Variants in RIC8B observed in about 807,000 individuals in gnomAD.
RIC8B encodes the protein RIC8 guanine nucleotide exchange factor B.
Under a neutral mutation model 57.5 loss-of-function variants are expected in RIC8B, and 16 were observed. That is an observed-to-expected ratio of 0.28 (90% CI 0.19 to 0.42). RIC8B has a LOEUF of 0.42. Among genes scored for constraint, RIC8B ranks in the 10% least tolerant of loss-of-function variants. The probability of loss-of-function intolerance (pLI) is 1.00; values close to 1 mark genes in which losing one functional copy is unlikely to be tolerated. For synonymous variants in RIC8B, 216 were observed against 250.8 expected (o/e 0.86, Z 1.31); for missense variants, 481 against 677.0 (o/e 0.71, Z 3.21).
intron 8 of RIC8B, among the ~76,000 whole-genome samples, chr12:106,869,189 T>G (rs1950280134): frequency 6.6e-6 from 1 of 152,118 alleles, no homozygotes; most frequent in Non-Finnish European, 1.5e-5. Flanking sequence ...CAAGATAGGT[T>G]TTGAATCAGG....
chr12:106,798,912 A>G (rs1416704340), intron 2 of RIC8B, among the ~76,000 whole-genome samples: 8 of 152,162 alleles, frequency 5.3e-5, no homozygotes, highest in Admixed American at 3.9e-4. Flanking sequence ...TTCATTTTAC[A>G]TAGTTTCAAC....
At chr12:106,823,502 A>G in intron 3 of RIC8B, 1 of 454,492 alleles carries the variant, frequency 2.2e-6, no homozygotes. Flanking sequence ...CCAAATGGAT[A>G]GATTTCCAAA....
At chr12:106,856,944 G>A (rs1039604336) in intron 7 of RIC8B, among the ~76,000 whole-genome samples, 1 of 152,140 alleles carries the variant, frequency 6.6e-6, no homozygotes, top group African/African-American at 2.4e-5. Context: ...GCGGTGTGGA[G>A]GAGATCAGAG....
At chr12:106,778,801 A>T (rs1342004496) in intron 1 of RIC8B, among the ~76,000 whole-genome samples, 1 of 152,152 alleles carries the variant, frequency 6.6e-6, no homozygotes, top group Non-Finnish European at 1.5e-5. Flanking sequence ...TCAATATCCA[A>T]AGGGGATTGC....
At position 106,888,092 on chromosome 12, in the gene RIC8B, T is replaced by C. The variant is rs1228049239; in HGVS notation, c.*2077T>C. 1 of 152,654 alleles carries C rather than the reference T, an allele frequency of 6.6e-6. No homozygotes were observed. The highest frequency in any genetic ancestry group is 6.5e-5 in the Admixed American group (1 of 15,288). The allele number at this position is 152,654 out of a possible 1,614,324, so 9.5% of individuals were successfully genotyped here. A position where few individuals can be genotyped will look rare whatever the true frequency, so the allele number is the denominator to read the frequency against. ...TAAAGTATTTTTATAATTTCTATAA[T>C]CAAATAGCTTTGGCATGCATGTCAG... On this transcript the variant is annotated 3_prime_UTR_variant, in exon 10 of 10. Transcript: ENST00000392837.
intron 2 of RIC8B, among the ~76,000 whole-genome samples, chr12:106,812,008 A>G (rs958383702): frequency 6.6e-6 from 1 of 152,068 alleles, no homozygotes; most frequent in Non-Finnish European, 1.5e-5. Flanking sequence ...TATTGTATTG[A>G]GTAAAACATT....
At chr12:106,782,469 T>G (rs1366815375) in intron 1 of RIC8B, among the ~76,000 whole-genome samples, 1 of 152,220 alleles carries the variant, frequency 6.6e-6, no homozygotes, top group Non-Finnish European at 1.5e-5. Context: ...TGCTTTCCTT[T>G]AATCTGGCCT....
At chr12:106,832,851 G>T (rs2046415801) in intron 4 of RIC8B, among the ~76,000 whole-genome samples, 1 of 152,054 alleles carries the variant, frequency 6.6e-6, no homozygotes, top group Non-Finnish European at 1.5e-5. Flanking sequence ...AAATTAAGTG[G>T]CTCTCTCGCT....
intron 1 of RIC8B, among the ~76,000 whole-genome samples, chr12:106,779,065 C>G (rs560780203): frequency 6.6e-6 from 1 of 152,160 alleles, no homozygotes; most frequent in South Asian, 2.1e-4. Flanking sequence ...AGGCATGCAT[C>G]ACCATGCGCG....
In RIC8B at chr12:106,888,008, G is replaced by A. The variant is rs1461272146; in HGVS notation, c.*1993G>A. 6.6e-6 allele frequency: 1 copy of A among 152,620 alleles called. No homozygotes were observed. Among genetic ancestry groups the A allele is most frequent in the Non-Finnish European group, 1.5e-5 (1 of 68,028 alleles). The allele number at this position is 152,620 out of a possible 1,614,324, so 9.5% of individuals were successfully genotyped here. On this transcript the variant is annotated 3_prime_UTR_variant, in exon 10 of 10. Coordinates refer to ENST00000392837, the MANE Select transcript of RIC8B (RefSeq NM_001330145.2). ...AAGAAATGGGCAATTCATAATTTTA[G>A]ATTAAGTGAAAAGTTTAGAAAAAAT...
intron 4 of RIC8B, among the ~76,000 whole-genome samples, chr12:106,833,957 G>C (rs1258175522): frequency 6.6e-6 from 1 of 152,146 alleles, no homozygotes; most frequent in African/African-American, 2.4e-5. Context: ...TGCCGCTCTT[G>C]CTGTGTGATA....
intron 2 of RIC8B, among the ~76,000 whole-genome samples, chr12:106,810,927 G>A (rs2045309370): frequency 6.6e-6 from 1 of 152,084 alleles, no homozygotes; most frequent in Non-Finnish European, 1.5e-5. Context: ...ACTTGCCAAG[G>A]CCACAATTGT....
intron 3 of RIC8B, among the ~76,000 whole-genome samples, chr12:106,816,308 A>C (rs1301134347): frequency 6.6e-6 from 1 of 152,222 alleles, no homozygotes; most frequent in African/African-American, 2.4e-5. Context: ...GGATTATCTC[A>C]GTGCATTGTT....
intron 3 of RIC8B, among the ~76,000 whole-genome samples, chr12:106,817,849 C>T (rs561674593): frequency 2.0e-4 from 29 of 145,478 alleles, no homozygotes; most frequent in African/African-American, 7.1e-4. Context: ...AAAAATCTCT[C>T]ACCAGAGTGC....
At chr12:106,820,182 T>C (rs1336710474) in intron 3 of RIC8B, among the ~76,000 whole-genome samples, 1 of 152,244 alleles carries the variant, frequency 6.6e-6, no homozygotes, top group African/African-American at 2.4e-5. Context: ...CATTTACAGT[T>C]CACCAAAAAT....
At chr12:106,806,569 C>T (rs917143317) in intron 2 of RIC8B, among the ~76,000 whole-genome samples, 12 of 152,092 alleles carry the variant, frequency 7.9e-5, no homozygotes, top group Admixed American at 2.6e-4. Context: ...CAATGGCTCA[C>T]GCCTGTAATC....
chr12:106,779,450 A>G (rs1257362575), intron 1 of RIC8B, among the ~76,000 whole-genome samples: 1 of 151,236 alleles, frequency 6.6e-6, no homozygotes, highest in Non-Finnish European at 1.5e-5. Context: ...CGGGCTGGTC[A>G]TGAACTCCTG....
chr12:106,841,075 C>G (rs1006406367), intron 4 of RIC8B, among the ~76,000 whole-genome samples: 3 of 151,454 alleles, frequency 2.0e-5, no homozygotes, highest in Non-Finnish European at 4.4e-5. Context: ...CAGATATTTG[C>G]AAAAAAAAGT....
intron 9 of RIC8B, among the ~76,000 whole-genome samples, chr12:106,884,915 A>T (rs1260588902): frequency 1.3e-5 from 2 of 152,136 alleles, no homozygotes; most frequent in East Asian, 1.9e-4. Context: ...AGCTGCTGCC[A>T]TGTGGGTTTT....
Sources: allele counts gnomAD v4.1 joint callset (sites outside exome capture counted in the v4.1 genomes callset), GRCh38; gene constraint gnomAD v4.1.1; transcripts MANE v1.5; gene names NCBI Gene and HGNC (gene_info 2026-07-23, HGNC 2026-07-21).